The following NWD2 variants were observed in gnomAD, a reference collection of about 807,000 sequenced individuals.
NWD2 encodes the protein NACHT and WD repeat domain-containing protein 2.
Under a neutral mutation model 132.7 loss-of-function variants are expected in NWD2, and 37 were observed. That is an observed-to-expected ratio of 0.28 (90% CI 0.21 to 0.37). The LOEUF is 0.37. NWD2 is among the 10% of genes least tolerant of loss of function. The pLI is 1.00. For synonymous variants in NWD2, 705 were observed against 803.0 expected (o/e 0.88, Z 2.06); for missense variants, 1,592 against 2,122.4 (o/e 0.75, Z 4.91).
chr4:37,429,027 C>T lies in NWD2; in HGVS notation c.358-1545C>T, dbSNP rs578040191. Among the ~76,000 whole-genome samples, 53 of 152,044 alleles carry T rather than the reference C, an allele frequency of 3.5e-4. No homozygotes were observed. The Middle Eastern group carries it at 0.014, about 39-fold the overall frequency. ...GATCACAAGTGTGAGCCACCAGGCC[C>T]GGCCTACACCACTAAATTTAAAATG... is the stretch of plus-strand genomic sequence containing the variant. On this transcript the variant is annotated intron_variant, in intron 3 of 6. Transcript: ENST00000309447.
At chr4:37,336,952 G>GAAAAAAAAAAAAAAAAAAAAAAAAAAA (rs11371327) in intron 2 of NWD2, among the ~76,000 whole-genome samples, 1 of 119,004 alleles carries the variant, frequency 8.4e-6, no homozygotes. Context: ...CTCAAAAAAA[G>GAAAAAAAAAAAAAAAAAAAAAAAAAAA]AAAAAAAAAA....
intron 2 of NWD2, among the ~76,000 whole-genome samples, chr4:37,338,771 C>T (rs75597194): frequency 1.3e-5 from 2 of 152,156 alleles, no homozygotes; most frequent in East Asian, 1.9e-4. Context: ...CACCACAGCT[C>T]GACTATTCTG....
chr4:37,391,148 G>A (rs552915608), intron 3 of NWD2, among the ~76,000 whole-genome samples: 151 of 152,188 alleles, frequency 9.9e-4, no homozygotes, highest in African/African-American at 3.5e-3. Context: ...TTTGTGGGTT[G>A]GTGATTCCTT....
intron 2 of NWD2, among the ~76,000 whole-genome samples, chr4:37,328,660 T>C (rs535053447): frequency 1.3e-5 from 2 of 152,260 alleles, no homozygotes; most frequent in African/African-American, 4.8e-5. Flanking sequence ...GGCATTTGGG[T>C]TGGTTCCAAG....
chr4:37,266,874 T>C (rs999791518), intron 1 of NWD2, among the ~76,000 whole-genome samples: 1 of 151,932 alleles, frequency 6.6e-6, no homozygotes, highest in African/African-American at 2.4e-5. Flanking sequence ...AGTAAAAGCG[T>C]TGAATTGGGG....
intron 1 of NWD2, among the ~76,000 whole-genome samples, chr4:37,290,938 A>G (rs968366380): frequency 1.3e-5 from 2 of 152,148 alleles, no homozygotes; most frequent in African/African-American, 4.8e-5. Flanking sequence ...GGAGTCCTAG[A>G]ATTAAGGAAT....
intron 3 of NWD2, among the ~76,000 whole-genome samples, chr4:37,382,752 G>A (rs781467410): frequency 5.9e-5 from 9 of 151,886 alleles, no homozygotes; most frequent in East Asian, 3.9e-4. Flanking sequence ...GTGCAATGGC[G>A]TGATCACGGC....
chr4:37,317,593 C>A (rs1169652759), intron 1 of NWD2, among the ~76,000 whole-genome samples: 1 of 152,172 alleles, frequency 6.6e-6, no homozygotes, highest in Non-Finnish European at 1.5e-5. Context: ...AGGCAAGAAT[C>A]CCCACAGACT....
At chr4:37,433,288 A>G (rs114254056) in intron 4 of NWD2, among the ~76,000 whole-genome samples, 2,290 of 152,304 alleles carry the variant, frequency 0.015, 57 homozygotes, top group African/African-American at 0.052. Flanking sequence ...ATATGTTACT[A>G]TTTAATTTGC....
chr4:37,260,148 G>A (rs1717599619), intron 1 of NWD2, among the ~76,000 whole-genome samples: 1 of 152,178 alleles, frequency 6.6e-6, no homozygotes, highest in Non-Finnish European at 1.5e-5. Flanking sequence ...GAGCGTTCTT[G>A]TTTTCCAATA....
At chr4:37,283,238 G>C (rs1437653522) in intron 1 of NWD2, among the ~76,000 whole-genome samples, 4 of 152,150 alleles carry the variant, frequency 2.6e-5, no homozygotes, top group Non-Finnish European at 4.4e-5. Context: ...AAAGCAATCT[G>C]TTTTATCCAA....
chr4:37,424,153 T>G (rs1367517901), intron 3 of NWD2, among the ~76,000 whole-genome samples: 1 of 152,088 alleles, frequency 6.6e-6, no homozygotes, highest in African/African-American at 2.4e-5. Flanking sequence ...ACATTGAACA[T>G]GCCATAGTCC....
intron 5 of NWD2, among the ~76,000 whole-genome samples, chr4:37,437,990 G>A (rs1406224987): frequency 2.0e-5 from 3 of 152,016 alleles, no homozygotes; most frequent in Non-Finnish European, 4.4e-5. Context: ...GGCTGGGCGT[G>A]GTGGCTCACA....
intron 3 of NWD2, among the ~76,000 whole-genome samples, chr4:37,410,570 T>G (rs1721134476): frequency 6.6e-6 from 1 of 152,050 alleles, no homozygotes; most frequent in African/African-American, 2.4e-5. Context: ...GACAACCCAC[T>G]GTCAGTATTA....
rs145058331 is a variant in NWD2 at position 37,415,908 on chromosome 4, A to T, written c.358-14664A>T. Among the ~76,000 whole-genome samples the T allele has an allele frequency of 1.6e-3, 245 of 152,290 alleles. 2 individuals are homozygous for T. Among genetic ancestry groups the T allele is most frequent in the Admixed American group, 6.0e-3 (92 of 15,298 alleles). On this transcript the variant is annotated intron_variant, in intron 3 of 6. Transcript: ENST00000309447. The stretch of plus-strand genomic sequence containing the variant: ...CCTCCGTCAAGTTCTCAGGCCCATG[A>T]TGCACAGGCCAACCTTCCTCCTAGG...
intron 1 of NWD2, among the ~76,000 whole-genome samples, chr4:37,246,967 T>C (rs1717255713): frequency 6.6e-6 from 1 of 152,224 alleles, no homozygotes; most frequent in Admixed American, 6.5e-5. Context: ...TTTTTAAGCC[T>C]GTCCATATGA....
At chr4:37,415,328 GTGAA>G (rs1196244516) in intron 3 of NWD2, among the ~76,000 whole-genome samples, 3 of 152,192 alleles carry the variant, frequency 2.0e-5, no homozygotes, top group Non-Finnish European at 4.4e-5. Flanking sequence ...GATCAAATGA[GTGAA>G]TGGTCTAGAA....
intron 3 of NWD2, among the ~76,000 whole-genome samples, chr4:37,426,626 A>T (rs1477789820): frequency 6.6e-6 from 1 of 152,162 alleles, no homozygotes; most frequent in Non-Finnish European, 1.5e-5. Flanking sequence ...CTCGTTAACC[A>T]TTCCTCATGA....
intron 6 of NWD2, among the ~76,000 whole-genome samples, chr4:37,441,062 T>C (rs1405298308): frequency 6.6e-6 from 1 of 152,226 alleles, no homozygotes; most frequent in East Asian, 1.9e-4. Context: ...AGTAAGCCCA[T>C]AGGTGAAATC....
Sources: allele counts gnomAD v4.1 joint callset (sites outside exome capture counted in the v4.1 genomes callset), GRCh38; gene constraint gnomAD v4.1.1; transcripts MANE v1.5; gene names NCBI Gene and HGNC (gene_info 2026-07-23, HGNC 2026-07-21).